Variants in VWA3A observed in about 807,000 individuals in gnomAD.
VWA3A encodes von Willebrand factor A domain-containing protein 3A.
VWA3A carries 134 observed loss-of-function variants against 160.4 expected under a neutral mutation model. That is an observed-to-expected ratio of 0.84 (90% CI 0.73 to 0.96). VWA3A has a LOEUF of 0.96. VWA3A is among the 40% of genes least tolerant of loss of function. VWA3A has a pLI of 0.00. For synonymous variants in VWA3A, 476 were observed against 543.4 expected (o/e 0.88, Z 1.72); for missense variants, 1,310 against 1,447.9 (o/e 0.90, Z 1.55).
chr16:22,110,437 C>A (rs1362606222), intron 7 of VWA3A, among the ~76,000 whole-genome samples: 1 of 152,190 alleles, frequency 6.6e-6, no homozygotes, highest in Non-Finnish European at 1.5e-5. Flanking sequence ...TCAGAGCAGG[C>A]TCCCCCTTCA....
chr16:22,144,250 G>T lies in VWA3A; in HGVS notation c.2596G>T (p.Val866Leu). 1 of 1,611,016 alleles carries T rather than the reference G, an allele frequency of 6.2e-7. No homozygotes were observed. Among genetic ancestry groups the T allele is most frequent in the Non-Finnish European group, 8.5e-7 (1 of 1,178,894 alleles). Residue 866 changes from valine to leucine, a missense_variant, in exon 26 of 34, where the codon GTG becomes TTG. Physicochemically the swap from Val to Leu is conservative, Grantham distance 32. Coordinates refer to ENST00000389398, the MANE Select transcript of VWA3A (RefSeq NM_173615.5). ...KDTVCSSQEW[V>L]AKYGLKKLKL... ...AGTTCTTTCCTTTATTCTAAAGTGGGTGGCAAAATATGGGCTCAAAAAATT... is the reference window on the plus strand; with the variant it reads ...AGTTCTTTCCTTTATTCTAAAGTGGTTGGCAAAATATGGGCTCAAAAAATT...
chr16:22,097,550 C>A, intron 2 of VWA3A, 22 bp from the exon 3 acceptor site: 2 of 1,550,492 alleles, frequency 1.3e-6, no homozygotes, highest in South Asian at 2.4e-5. Flanking sequence ...GGGCATTGAT[C>A]AAATTACTTT....
chr16:22,127,033 T>C (rs1236704245), intron 17 of VWA3A, among the ~76,000 whole-genome samples: 1 of 149,122 alleles, frequency 6.7e-6, no homozygotes, highest in Non-Finnish European at 1.5e-5. Flanking sequence ...AGTTTTAAAA[T>C]GTTAATATAG....
At position 22,138,397 on chromosome 16, in the gene VWA3A, G is replaced by C. The variant is rs1297696893; in HGVS notation, c.2177G>C (p.Gly726Ala). 1 of 1,608,052 alleles carries C rather than the reference G, an allele frequency of 6.2e-7. No homozygotes were observed. The highest frequency in any genetic ancestry group is 1.1e-5 in the South Asian group (1 of 89,820). ...ATGGCCTCCCTGAAGAACCATTCAG[G>C]AAAAGTACTGGGAAGTTCAGCCCTC... The part of the protein sequence containing the change: ...FLMASLKNHS[G>A]KVLGSSALPK... Residue 726 changes from glycine to alanine, a missense_variant, in exon 22 of 34, where the codon GGA (glycine) becomes GCA (alanine). Transcript: ENST00000389398.
intron 17 of VWA3A, among the ~76,000 whole-genome samples, chr16:22,128,084 C>T (rs1040017443): frequency 1.3e-5 from 2 of 152,034 alleles, no homozygotes; most frequent in African/African-American, 4.8e-5. Flanking sequence ...ACCTTAGGGA[C>T]CATCAGGTAG....
intron 6 of VWA3A, among the ~76,000 whole-genome samples, chr16:22,107,510 G>A (rs1246192337): frequency 6.6e-6 from 1 of 152,170 alleles, no homozygotes; most frequent in Non-Finnish European, 1.5e-5. Flanking sequence ...GGGAGGCTGA[G>A]GCTGAAGGAT....
chr16:22,112,737 TAA>T (rs142281845), intron 8 of VWA3A, among the ~76,000 whole-genome samples: 1 of 148,424 alleles, frequency 6.7e-6, no homozygotes, highest in East Asian at 2.0e-4. Context: ...AGTAAAAAGT[TAA>T]AAAAAAAAGC....
At chr16:22,141,940 C>T (rs2046158575) in intron 24 of VWA3A, among the ~76,000 whole-genome samples, 2 of 152,184 alleles carry the variant, frequency 1.3e-5, no homozygotes, top group Admixed American at 1.3e-4. Flanking sequence ...TTGGGCACTC[C>T]AGCTCTGTCC....
chr16:22,131,530 G>T (rs1338315908), intron 18 of VWA3A, 55 bp from the exon 19 acceptor site: 4 of 1,595,662 alleles, frequency 2.5e-6, no homozygotes, highest in East Asian at 2.2e-5. Context: ...CTCCCAAAAG[G>T]TATGCCCTGG....
At chr16:22,153,303 A>G (rs994308450) in intron 31 of VWA3A, among the ~76,000 whole-genome samples, 1 of 152,226 alleles carries the variant, frequency 6.6e-6, no homozygotes, top group Non-Finnish European at 1.5e-5. Flanking sequence ...AGATTGCGCC[A>G]CTGCACTTCA....
In VWA3A at chr16:22,132,972, G is replaced by A. The variant is rs368759394; in HGVS notation, c.1945G>A (p.Val649Met). 2.7e-5 allele frequency: 43 copies of A among 1,613,900 alleles called. No homozygotes were observed. The highest frequency in any genetic ancestry group is 2.4e-4 in the African/African-American group (18 of 75,010). ...CCAGCTGAACGTGTGTCTCTTCTAC[G>A]TGGGCGAGCCAAAGATGGACACCAC... is the stretch of plus-strand genomic sequence containing the variant. ...DLQLNVCLFY[V>M]GEPKMDTTPP... The change falls in exon 20 of 34, where the codon GTG (valine) becomes ATG (methionine). Residue 649 changes from valine (V) to methionine (M), a missense_variant. By Grantham distance (21) the Val-to-Met change is conservative. Transcript: ENST00000389398.
chr16:22,125,835 A>T (rs1055946514), intron 16 of VWA3A, among the ~76,000 whole-genome samples: 2 of 152,226 alleles, frequency 1.3e-5, no homozygotes, highest in African/African-American at 4.8e-5. Flanking sequence ...CAATATACAT[A>T]TATATTTTTT....
intron 20 of VWA3A, 102 bp from the exon 21 acceptor site, chr16:22,134,266 C>G (rs1452759549): frequency 7.0e-5 from 64 of 918,534 alleles, no homozygotes; most frequent in Non-Finnish European, 9.7e-5. Context: ...CATTCCCAGC[C>G]CTCAAGTCAC....
Position 22,117,094 on chromosome 16 carries a change from T to G in VWA3A, c.925-17T>G. On this transcript the variant is annotated splice_polypyrimidine_tract_variant and intron_variant, in intron 10 of 33. Transcript: ENST00000389398. ...GTGTTGCCCTAGTGAGGCCTGACCC[T>G]GGCCTCATCCCTGCAGGCTGTCCTG... is the stretch of plus-strand genomic sequence containing the variant. 2.5e-6 allele frequency: 4 copies of G among 1,571,626 alleles called. No individual in the cohort carries two copies. The highest frequency in any genetic ancestry group is 3.5e-6 in the Non-Finnish European group (4 of 1,157,954).
At chr16:22,135,965 T>A (rs889693352) in intron 21 of VWA3A, among the ~76,000 whole-genome samples, 62 of 151,952 alleles carry the variant, frequency 4.1e-4, no homozygotes, top group African/African-American at 1.5e-3. Context: ...GATTTTTGTG[T>A]TTTTTAGTAG....
chr16:22,148,373 C>T, intron 28 of VWA3A, 67 bp downstream of exon 28: 1 of 1,516,064 alleles, frequency 6.6e-7, no homozygotes, highest in African/African-American at 1.4e-5. Context: ...GCCAAGCACG[C>T]CCCCTCTTCT....
intron 17 of VWA3A, among the ~76,000 whole-genome samples, chr16:22,129,207 G>T (rs2045903645): frequency 6.6e-6 from 1 of 151,746 alleles, no homozygotes; most frequent in African/African-American, 2.4e-5. Context: ...GGCTAACACG[G>T]TGAAACCCCA....
At chr16:22,146,439 C>A in intron 27 of VWA3A, 95 bp downstream of exon 27, 2 of 989,484 alleles carry the variant, frequency 2.0e-6, no homozygotes, top group Non-Finnish European at 3.0e-6. Flanking sequence ...CAAAGCCAGG[C>A]CTTCAAGAAC....
intron 25 of VWA3A, among the ~76,000 whole-genome samples, chr16:22,143,085 G>A (rs1275149183): frequency 1.3e-5 from 2 of 151,600 alleles, no homozygotes; most frequent in African/African-American, 4.9e-5. Context: ...GGGAGGTGGA[G>A]GTTGCAGTGA....
Sources: allele counts gnomAD v4.1 joint callset (sites outside exome capture counted in the v4.1 genomes callset), GRCh38; gene constraint gnomAD v4.1.1; transcripts MANE v1.5; gene names NCBI Gene and HGNC (gene_info 2026-07-23, HGNC 2026-07-21).